The following TTC7B variants were observed in gnomAD, a reference collection of about 807,000 sequenced individuals.
The protein encoded by TTC7B is tetratricopeptide repeat protein 7B.
Under a neutral mutation model 106.8 loss-of-function variants are expected in TTC7B, and 28 were observed. The observed-to-expected ratio is 0.26, with a 90% CI of 0.19 to 0.36. TTC7B has a LOEUF of 0.36. TTC7B is among the 10% of genes least tolerant of loss of function. The pLI is 1.00. For synonymous variants in TTC7B, 405 were observed against 430.6 expected, an observed-to-expected ratio of 0.94 and a Z score of 0.74; for missense variants, 862 against 1,076.4, an observed-to-expected ratio of 0.80 and a Z score of 2.79.
rs1319187477 is a variant in TTC7B at position 90,594,868 on chromosome 14, A to G, written c.1967-1242T>C. Among the ~76,000 whole-genome samples, 7 of 152,334 alleles carry G rather than the reference A, an allele frequency of 4.6e-5. No individual in the cohort carries two copies. The East Asian group carries it at 1.2e-3, about 25-fold the overall frequency. On this transcript the variant is annotated intron_variant, in intron 17 of 19. Transcript: ENST00000328459. ...ATCCATATTATGTTTTGATTGCTCC[A>G]ATATAATGGTAACATGGATGCTTCT...
chr14:90,654,344 T>C (rs927567551), intron 12 of TTC7B, among the ~76,000 whole-genome samples: 1 of 152,174 alleles, frequency 6.6e-6, no homozygotes, highest in African/African-American at 2.4e-5. Context: ...AACAACAACA[T>C]GATAAAAGAA....
chr14:90,609,778 T>G (rs528587680), intron 17 of TTC7B, among the ~76,000 whole-genome samples: 1 of 152,228 alleles, frequency 6.6e-6, no homozygotes, highest in Non-Finnish European at 1.5e-5. Flanking sequence ...CAAATTTATA[T>G]GTTTTGTGAG....
intron 18 of TTC7B, chr14:90,585,587 C>G (rs1362533684): frequency 6.6e-6 from 1 of 152,410 alleles, no homozygotes; most frequent in Non-Finnish European, 1.5e-5. Flanking sequence ...TCCCCCCTCT[C>G]TTTTGGATGC....
chr14:90,652,502 AG>A (rs1451158758), intron 13 of TTC7B, among the ~76,000 whole-genome samples: 1 of 151,218 alleles, frequency 6.6e-6, no homozygotes, highest in Non-Finnish European at 1.5e-5. Context: ...AAAAAAAAAA[AG>A]CTAGAAAAGA....
chr14:90,619,179 G>A (rs942655055), intron 15 of TTC7B, among the ~76,000 whole-genome samples: 4 of 152,132 alleles, frequency 2.6e-5, no homozygotes, highest in Admixed American at 1.3e-4. Flanking sequence ...ATGAGCCACC[G>A]CTCCCAGCCC....
intron 7 of TTC7B, among the ~76,000 whole-genome samples, chr14:90,687,474 A>G (rs12893238): frequency 0.48 from 73,272 of 152,064 alleles, 18,580 homozygotes; most frequent in East Asian, 0.67. Flanking sequence ...GATGGCACCC[A>G]AAGAGACACA....
chr14:90,570,281 C>T lies in TTC7B; in HGVS notation c.2310+7825G>A, dbSNP rs1890980049. On this transcript the variant is annotated intron_variant, in intron 19 of 19. Transcript: ENST00000328459. The surrounding 1 kb of genome is among the most constrained non-coding windows in gnomAD (Gnocchi z 4.0). ...CTCATGTCAAATCACATGGCTGCAT[C>T]ATCCAATCCTGCCTCGAAGTCATTT... Among the ~76,000 whole-genome samples, 1 of 152,202 alleles carries T rather than the reference C, an allele frequency of 6.6e-6. No individual in the cohort carries two copies. The highest frequency in any genetic ancestry group is 2.1e-4 in the South Asian group (1 of 4,830).
intron 1 of TTC7B, among the ~76,000 whole-genome samples, chr14:90,810,988 T>A (rs759899075): frequency 2.0e-4 from 30 of 152,126 alleles, no homozygotes; most frequent in Non-Finnish European, 3.2e-4. Context: ...CATAAGGACA[T>A]GCTGGAAAGG....
rs1036122346 is a variant in TTC7B, at chr14:90,530,061, G to A, written c.*11307C>T. On this transcript the variant is annotated 3_prime_UTR_variant, in exon 20 of 20. Coordinates refer to ENST00000328459, the MANE Select transcript of TTC7B (RefSeq NM_001010854.2). ...AGGTGGGCGGATCACGAGGTCAGGA[G>A]ATCAAGACCATCCTGGCCAACACGG... 5 of 152,242 alleles carry A rather than the reference G, an allele frequency of 3.3e-5. No individual in the cohort carries two copies. Among genetic ancestry groups the A allele is most frequent in the African/African-American group, 1.2e-4 (5 of 41,456 alleles). 9.4% of individuals were successfully genotyped at this position (152,242 alleles called of 1,614,324 possible).
At chr14:90,641,576 T>G (rs1367286681) in intron 15 of TTC7B, among the ~76,000 whole-genome samples, 1 of 152,256 alleles carries the variant, frequency 6.6e-6, no homozygotes, top group Non-Finnish European at 1.5e-5. Context: ...AATAAAGTAT[T>G]CTTGGGAAGA....
chr14:90,682,734 G>T (rs1421215025), intron 7 of TTC7B, among the ~76,000 whole-genome samples: 1 of 152,202 alleles, frequency 6.6e-6, no homozygotes, highest in Non-Finnish European at 1.5e-5. Context: ...AAGGGGACAA[G>T]AAGAAAACAG....
At chr14:90,652,962 C>T (rs1338621587) in intron 12 of TTC7B, 64 bp from the exon 13 acceptor site, 1 of 1,547,222 alleles carries the variant, frequency 6.5e-7, no homozygotes, top group East Asian at 2.2e-5. Context: ...AATACAAAAC[C>T]CATCACAAAA....
intron 19 of TTC7B, among the ~76,000 whole-genome samples, chr14:90,556,304 TC>T (rs1176723397): frequency 6.6e-6 from 1 of 152,002 alleles, no homozygotes; most frequent in Non-Finnish European, 1.5e-5. Context: ...GTCTCCAGCC[TC>T]CCCTCCCCCA....
At chr14:90,592,910 G>A (rs957770714) in intron 18 of TTC7B, among the ~76,000 whole-genome samples, 3 of 152,040 alleles carry the variant, frequency 2.0e-5, no homozygotes, top group Non-Finnish European at 4.4e-5. Context: ...GAGGAGCATA[G>A]GATCATAGGG....
At chr14:90,720,024 CTT>C (rs35375863) in intron 5 of TTC7B, among the ~76,000 whole-genome samples, 44 of 144,764 alleles carry the variant, frequency 3.0e-4, no homozygotes, top group Admixed American at 3.5e-4. Flanking sequence ...ATGCACAGAC[CTT>C]TTTTTTTTTT....
chr14:90,739,516 G>A (rs1036817010), intron 4 of TTC7B, among the ~76,000 whole-genome samples: 25 of 152,122 alleles, frequency 1.6e-4, no homozygotes, highest in Admixed American at 4.6e-4. Context: ...CCCTCCTGCC[G>A]GGAGAACATA....
At chr14:90,766,537 C>G in intron 3 of TTC7B, 1 of 761,148 alleles carries the variant, frequency 1.3e-6, no homozygotes, top group South Asian at 1.4e-5. Context: ...CGCCATGTCT[C>G]TAGTGATCCC....
chr14:90,802,551 C>A lies in TTC7B; in HGVS notation c.121+13624G>T, dbSNP rs1331496191. Among the ~76,000 whole-genome samples the A allele has an allele frequency of 6.6e-6, 1 of 152,164 alleles. No individual in the cohort carries two copies. The highest frequency in any genetic ancestry group is 1.5e-5 in the Non-Finnish European group (1 of 68,044). ...AGTTTCCTAATTGCTTTTATTTCCT[C>A]AGTAAAGTATGAGGCAAGGTCATGA... On this transcript the variant is annotated intron_variant, in intron 1 of 19. Transcript: ENST00000328459. The surrounding 1 kb of genome is among the most constrained non-coding windows in gnomAD (Gnocchi z 4.7).
At chr14:90,576,245 G>A (rs1891259783) in intron 19 of TTC7B, among the ~76,000 whole-genome samples, 1 of 152,048 alleles carries the variant, frequency 6.6e-6, no homozygotes, top group African/African-American at 2.4e-5. Context: ...ACATGGCGGG[G>A]ATTGTACGTC....
Sources: gnomAD v4.1 joint callset for allele counts (sites outside exome capture counted in the v4.1 genomes callset) on GRCh38, gnomAD v4.1.1 for gene constraint, Gnocchi (gnomAD v3.1) non-coding constraint, MANE v1.5 for transcripts, NCBI Gene and HGNC (gene_info 2026-07-23, HGNC 2026-07-21) for gene names.